Variants in FOCAD observed in about 807,000 individuals in gnomAD.
FOCAD encodes the protein focadhesin.
In FOCAD, 198 loss-of-function variants were observed where a neutral mutation model predicts 225.6. The observed-to-expected ratio is 0.88, with a 90% CI of 0.78 to 0.99. FOCAD has a LOEUF of 0.99. Among genes scored for constraint, FOCAD ranks in the 50% least tolerant of loss-of-function variants. The pLI, the probability that FOCAD is intolerant of heterozygous loss-of-function variation, is 0.00. For missense variants in FOCAD, 2,713 were observed against 2,123.6 expected (o/e 1.28, Z -5.46); for synonymous variants, 897 against 755.0 (o/e 1.19, Z -3.08).
chr9:20,849,666 G>A (rs574301855), intron 15 of FOCAD, among the ~76,000 whole-genome samples: 18 of 151,934 alleles, frequency 1.2e-4, no homozygotes, highest in Admixed American at 2.6e-4. Context: ...TTACAAACTC[G>A]TGTACATGGG....
intron 15 of FOCAD, among the ~76,000 whole-genome samples, chr9:20,846,052 C>T (rs1827074090): frequency 6.6e-6 from 1 of 152,034 alleles, no homozygotes; most frequent in African/African-American, 2.4e-5. Flanking sequence ...GAGGAGTGCT[C>T]AGATATCTTC....
chr9:20,743,073 C>T (rs111477368), intron 5 of FOCAD, among the ~76,000 whole-genome samples: 1 of 152,070 alleles, frequency 6.6e-6, no homozygotes, highest in African/African-American at 2.4e-5. Flanking sequence ...GAGCATATTC[C>T]CCTCAAGAGA....
intron 1 of FOCAD, among the ~76,000 whole-genome samples, chr9:20,692,098 A>G (rs1823014182): frequency 6.6e-6 from 1 of 152,122 alleles, no homozygotes; most frequent in Non-Finnish European, 1.5e-5. Context: ...TTCCAAATTT[A>G]TATTTTCAGC....
chr9:20,799,756 G>A (rs1050802353), intron 11 of FOCAD, among the ~76,000 whole-genome samples: 4 of 152,046 alleles, frequency 2.6e-5, no homozygotes, highest in African/African-American at 4.8e-5. Context: ...CATGTGAGAT[G>A]GGTTTCCTGA....
At chr9:20,937,568 A>C (rs1050002390) in intron 28 of FOCAD, among the ~76,000 whole-genome samples, 2 of 152,282 alleles carry the variant, frequency 1.3e-5, no homozygotes, top group South Asian at 4.1e-4. Flanking sequence ...CACCTTATAC[A>C]AAAATTAATT....
At chr9:20,871,932 TA>T (rs200673461) in intron 18 of FOCAD, among the ~76,000 whole-genome samples, 1 of 145,104 alleles carries the variant, frequency 6.9e-6, no homozygotes. Flanking sequence ...TAAAAAAAAT[TA>T]AAAAAAAAAG....
intron 4 of FOCAD, among the ~76,000 whole-genome samples, chr9:20,724,227 A>AT (rs933576663): frequency 4.6e-5 from 7 of 151,854 alleles, no homozygotes; most frequent in African/African-American, 1.5e-4. Context: ...ACAGCTTTCT[A>AT]TTTTTTTTCT....
intron 9 of FOCAD, among the ~76,000 whole-genome samples, chr9:20,780,655 T>C (rs1056391264): frequency 2.6e-5 from 4 of 152,032 alleles, no homozygotes; most frequent in African/African-American, 9.7e-5. Context: ...TAATGTAATA[T>C]TACACTATGT....
At chr9:20,811,248 G>A (rs1481978997) in intron 11 of FOCAD, among the ~76,000 whole-genome samples, 1 of 152,102 alleles carries the variant, frequency 6.6e-6, no homozygotes, top group Non-Finnish European at 1.5e-5. Context: ...TAAGTGGCAA[G>A]TACATGGGTT....
chr9:20,778,712 T>G lies in FOCAD; in HGVS notation c.938T>G (p.Ile313Arg), dbSNP rs368968838. Residue 313 changes from isoleucine (I) to arginine (R), a missense_variant, in exon 9 of 44, where the codon ATA (isoleucine) becomes AGA (arginine). Physicochemically the swap from Ile to Arg is moderately conservative, Grantham distance 97. Transcript: ENST00000338382. ...DFPVELVIIG[I>R]ALLLLQTPAS... The stretch of plus-strand genomic sequence containing the variant: ...CCTGTTGAACTGGTCATAATTGGAA[T>G]AGCTTTACTACTTCTACAGACTCCA... 3.1e-6 allele frequency: 5 copies of G among 1,612,336 alleles called. No homozygotes were observed. In the African/African-American group the frequency reaches 5.3e-5, roughly 17 times the overall value.
intron 19 of FOCAD, among the ~76,000 whole-genome samples, chr9:20,879,230 A>G: frequency 6.6e-6 from 1 of 152,194 alleles, no homozygotes; most frequent in East Asian, 1.9e-4. Context: ...GTAACAAGGT[A>G]ATAGTTCTGC....
chr9:20,703,008 C>CA (rs1249387538), intron 1 of FOCAD, among the ~76,000 whole-genome samples: 87 of 151,450 alleles, frequency 5.7e-4, no homozygotes, highest in Non-Finnish European at 1.0e-3. Context: ...CTCCATCTCA[C>CA]AAAAAAAACA....
chr9:20,775,660 GA>G (rs1167326179), intron 8 of FOCAD, among the ~76,000 whole-genome samples: 1 of 152,088 alleles, frequency 6.6e-6, no homozygotes, highest in Non-Finnish European at 1.5e-5. Flanking sequence ...AAATCCTTGA[GA>G]AAAGGGACTA....
At chr9:20,798,810 A>G (rs1821439832) in intron 11 of FOCAD, among the ~76,000 whole-genome samples, 1 of 152,014 alleles carries the variant, frequency 6.6e-6, no homozygotes, top group South Asian at 2.1e-4. Flanking sequence ...TCCTGGATTC[A>G]TTGATTTTTT....
At chr9:20,849,772 T>C (rs1178849055) in intron 15 of FOCAD, among the ~76,000 whole-genome samples, 1 of 151,964 alleles carries the variant, frequency 6.6e-6, no homozygotes, top group Non-Finnish European at 1.5e-5. Context: ...CCCTGACATT[T>C]ATCTGCCTTA....
chr9:20,925,732 GT>G (rs540437467), intron 25 of FOCAD, among the ~76,000 whole-genome samples: 234 of 151,980 alleles, frequency 1.5e-3, no homozygotes, highest in Non-Finnish European at 2.7e-3. Context: ...TTGTTGTTTT[GT>G]TTTTGTGTTC....
chr9:20,801,009 A>T (rs1587223083), intron 11 of FOCAD, among the ~76,000 whole-genome samples: 1 of 152,078 alleles, frequency 6.6e-6, no homozygotes, highest in African/African-American at 2.4e-5. Context: ...ATGATGGTGA[A>T]GTACAGATGG....
intron 21 of FOCAD, among the ~76,000 whole-genome samples, chr9:20,900,874 G>A (rs552155760): frequency 3.3e-5 from 5 of 151,804 alleles, no homozygotes; most frequent in African/African-American, 4.8e-5. Flanking sequence ...TACCCTGATT[G>A]GAAACAGTGG....
At chr9:20,901,417 T>G (rs1832551939) in intron 21 of FOCAD, among the ~76,000 whole-genome samples, 2 of 151,936 alleles carry the variant, frequency 1.3e-5, no homozygotes, top group Admixed American at 1.3e-4. Flanking sequence ...CATGCTACTC[T>G]TCCAATCCCA....
Sources: allele counts gnomAD v4.1 joint callset (sites outside exome capture counted in the v4.1 genomes callset), GRCh38; gene constraint gnomAD v4.1.1; transcripts MANE v1.5; gene names NCBI Gene and HGNC (gene_info 2026-07-23, HGNC 2026-07-21).